Variants in OPCML observed in about 807,000 individuals in gnomAD.
OPCML encodes the protein opioid-binding protein/cell adhesion molecule.
A neutral mutation model predicts 37.8 loss-of-function variants in OPCML; 13 were observed. The ratio of observed to expected loss-of-function variants is 0.34; its 90% CI spans 0.22 to 0.55. The LOEUF (loss-of-function observed/expected upper bound fraction) is 0.55, where lower values mean the gene tolerates loss of function less well. Among genes scored for constraint, OPCML ranks in the 20% least tolerant of loss-of-function variants. The probability of loss-of-function intolerance (pLI) is 0.91; values close to 1 mark genes in which losing one functional copy is unlikely to be tolerated. For synonymous variants in OPCML, 176 were observed against 168.8 expected, an observed-to-expected ratio of 1.04 and a Z score of -0.33; for missense variants, 341 against 435.6, an observed-to-expected ratio of 0.78 and a Z score of 1.93.
chr11:132,761,918 G>C (rs1946279690), intron 2 of OPCML, among the ~76,000 whole-genome samples: 1 of 152,038 alleles, frequency 6.6e-6, no homozygotes, highest in Non-Finnish European at 1.5e-5. Context: ...CAGCCTTTTT[G>C]CACTGGTTTT....
intron 1 of OPCML, among the ~76,000 whole-genome samples, chr11:133,081,458 G>A (rs189354589): frequency 6.6e-6 from 1 of 152,332 alleles, no homozygotes; most frequent in Admixed American, 6.5e-5. Context: ...CAACGAATAT[G>A]TAAGGAATTC....
chr11:132,482,611 CA>C (rs1412395290), intron 4 of OPCML, among the ~76,000 whole-genome samples: 7 of 152,222 alleles, frequency 4.6e-5, no homozygotes, highest in Non-Finnish European at 8.8e-5. Flanking sequence ...GGCAGAGACA[CA>C]ACCAAAAAAG....
chr11:132,973,673 C>A (rs1946393077), intron 1 of OPCML, among the ~76,000 whole-genome samples: 1 of 152,168 alleles, frequency 6.6e-6, no homozygotes, highest in Non-Finnish European at 1.5e-5. Flanking sequence ...TCATGCTCAC[C>A]AAAGGCAAAG....
At chr11:133,282,345 G>A (rs1942181871) in intron 1 of OPCML, among the ~76,000 whole-genome samples, 1 of 152,176 alleles carries the variant, frequency 6.6e-6, no homozygotes, top group African/African-American at 2.4e-5. Flanking sequence ...AGGGCCCTAG[G>A]TACAGCTCTG....
intron 1 of OPCML, chr11:133,065,792 A>C (rs1201497027): frequency 6.6e-6 from 1 of 152,360 alleles, no homozygotes; most frequent in Non-Finnish European, 1.5e-5. Context: ...CAGAGTGTGC[A>C]CAGACCCGCA....
intron 2 of OPCML, among the ~76,000 whole-genome samples, chr11:132,825,264 C>T (rs892932777): frequency 5.3e-5 from 8 of 152,058 alleles, no homozygotes; most frequent in Admixed American, 1.3e-4. Flanking sequence ...TACTTAGAGT[C>T]TAACTTCCTA....
intron 1 of OPCML, among the ~76,000 whole-genome samples, chr11:133,531,773 A>AG (rs1948610438): frequency 7.1e-6 from 1 of 140,660 alleles, no homozygotes; most frequent in African/African-American, 2.6e-5. Flanking sequence ...GAGAGAGAGA[A>AG]AAGAAACAGA....
intron 1 of OPCML, among the ~76,000 whole-genome samples, chr11:132,960,277 A>G (rs1946063985): frequency 6.6e-6 from 1 of 152,216 alleles, no homozygotes; most frequent in Non-Finnish European, 1.5e-5. Context: ...AAGAGTCAAG[A>G]TGTCCCTCGA....
chr11:132,901,145 A>G (rs1310772302), intron 2 of OPCML, among the ~76,000 whole-genome samples: 1 of 152,080 alleles, frequency 6.6e-6, no homozygotes, highest in African/African-American at 2.4e-5. Flanking sequence ...ATGCCACTGC[A>G]CTCCAGCCTG....
intron 1 of OPCML, among the ~76,000 whole-genome samples, chr11:133,446,711 C>T (rs1012058277): frequency 2.0e-5 from 3 of 152,198 alleles, no homozygotes; most frequent in Non-Finnish European, 4.4e-5. Flanking sequence ...CCATTTTCAT[C>T]CTGCAGTCCC....
At chr11:132,785,627 C>T (rs1273381386) in intron 2 of OPCML, among the ~76,000 whole-genome samples, 1 of 152,102 alleles carries the variant, frequency 6.6e-6, no homozygotes, top group East Asian at 1.9e-4. Flanking sequence ...TTTAAAAAGT[C>T]ATCAGAAGGA....
intron 2 of OPCML, among the ~76,000 whole-genome samples, chr11:132,814,324 C>A (rs554847957): frequency 4.6e-5 from 7 of 152,082 alleles, no homozygotes; most frequent in Non-Finnish European, 1.0e-4. Context: ...GTTATGGAGG[C>A]TGAGAAACTT....
At chr11:132,921,287 G>A (rs1235490764) in intron 2 of OPCML, among the ~76,000 whole-genome samples, 3 of 152,188 alleles carry the variant, frequency 2.0e-5, no homozygotes, top group Admixed American at 6.5e-5. Flanking sequence ...GTAAGGCCAC[G>A]ACGCAGTGAA....
chr11:132,755,018 C>A (rs1437806474), intron 2 of OPCML, among the ~76,000 whole-genome samples: 1 of 152,074 alleles, frequency 6.6e-6, no homozygotes, highest in Non-Finnish European at 1.5e-5. Context: ...TCCTTACAGA[C>A]AAATGTATGT....
In OPCML at chr11:133,077,377, A is replaced by C. The variant is rs551095168; in HGVS notation, c.62-134367T>G. Among the ~76,000 whole-genome samples the C allele has an allele frequency of 3.3e-5, 5 of 152,232 alleles. No individual in the cohort carries two copies. The East Asian group carries it at 9.7e-4, about 30-fold the overall frequency. ...ATACCTTTCTGAGTAGGAAGTGGAA[A>C]GCAATCTGAAATCAAGAGTAAAATA... On this transcript the variant is annotated intron_variant, in intron 1 of 7. Coordinates refer to ENST00000524381, the MANE Select transcript of OPCML (RefSeq NM_001012393.5).
intron 2 of OPCML, among the ~76,000 whole-genome samples, chr11:132,877,298 C>T (rs76994411): frequency 6.6e-6 from 1 of 151,840 alleles, no homozygotes; most frequent in Non-Finnish European, 1.5e-5. Flanking sequence ...CCCCCCCACC[C>T]AAAAAAAGAT....
intron 1 of OPCML, among the ~76,000 whole-genome samples, chr11:133,146,871 A>C (rs537304164): frequency 6.6e-6 from 1 of 152,298 alleles, no homozygotes; most frequent in Non-Finnish European, 1.5e-5. Flanking sequence ...AAGGGGAAAA[A>C]ACACACACAG....
chr11:133,353,644 T>C (rs1238207114), intron 1 of OPCML, among the ~76,000 whole-genome samples: 5 of 152,246 alleles, frequency 3.3e-5, no homozygotes, highest in Admixed American at 2.0e-4. Context: ...CACTGTCATC[T>C]GCTCTGCCAC....
intron 1 of OPCML, among the ~76,000 whole-genome samples, chr11:133,095,356 G>A (rs534061900): frequency 2.2e-5 from 3 of 136,124 alleles, no homozygotes; most frequent in Admixed American, 7.7e-5. Flanking sequence ...TAAAGACCAC[G>A]GGACCTAAGA....
Sources: gnomAD v4.1 joint callset for allele counts (sites outside exome capture counted in the v4.1 genomes callset) on GRCh38, gnomAD v4.1.1 for gene constraint, MANE v1.5 for transcripts, NCBI Gene and HGNC (gene_info 2026-07-23, HGNC 2026-07-21) for gene names.